Variants in ASZ1 observed in about 807,000 individuals in gnomAD.
ASZ1 encodes ankyrin repeat, SAM and basic leucine zipper domain containing 1, also known as ankyrin repeat, SAM and basic leucine zipper domain-containing protein 1.
In ASZ1, 67 loss-of-function variants were observed where a neutral mutation model predicts 61.8. That is an observed-to-expected ratio of 1.08 (90% CI 0.89 to 1.33). The LOEUF (loss-of-function observed/expected upper bound fraction) is 1.33. ASZ1 is among the 40% of genes most tolerant of loss of function. The probability of loss-of-function intolerance (pLI) is 0.00; values close to 1 mark genes in which losing one functional copy is unlikely to be tolerated. For missense variants in ASZ1, 577 were observed against 554.5 expected, an observed-to-expected ratio of 1.04 and a Z score of -0.41; for synonymous variants, 193 against 192.7, an observed-to-expected ratio of 1.00 and a Z score of -0.01.
chr7:117,370,234 T>C (rs1052711093), intron 10 of ASZ1, among the ~76,000 whole-genome samples: 6 of 152,120 alleles, frequency 3.9e-5, no homozygotes, highest in Non-Finnish European at 7.4e-5. Context: ...ATTGCGAAGG[T>C]AGCACAGACA....
chr7:117,413,430 C>A (rs1796934015), intron 4 of ASZ1, among the ~76,000 whole-genome samples: 2 of 151,956 alleles, frequency 1.3e-5, no homozygotes, highest in African/African-American at 4.8e-5. Context: ...AGCAAATGTT[C>A]AATAAATGTT....
intron 4 of ASZ1, among the ~76,000 whole-genome samples, chr7:117,398,738 TG>T (rs761621613): frequency 6.4e-4 from 98 of 152,350 alleles, no homozygotes; most frequent in Non-Finnish European, 1.1e-3. Flanking sequence ...ATCTAGCCTC[TG>T]CCAAAGTGCA....
chr7:117,368,106 T>C, intron 11 of ASZ1: 1 of 455,204 alleles, frequency 2.2e-6, no homozygotes, highest in Non-Finnish European at 2.9e-6. Context: ...TAAAAATTCT[T>C]TGTAGAGACA....
intron 4 of ASZ1, among the ~76,000 whole-genome samples, chr7:117,387,479 TAATAA>T: frequency 6.6e-6 from 1 of 152,210 alleles, no homozygotes; most frequent in Non-Finnish European, 1.5e-5. Flanking sequence ...CTTACCTGCA[TAATAA>T]CCCAAATCTG....
chr7:117,397,667 T>G (rs1013596188), intron 4 of ASZ1, among the ~76,000 whole-genome samples: 1 of 152,214 alleles, frequency 6.6e-6, no homozygotes, highest in African/African-American at 2.4e-5. Flanking sequence ...GGAAAACACC[T>G]GGGTCTGAAG....
At chr7:117,366,916 A>G (rs1219177681) in intron 12 of ASZ1, among the ~76,000 whole-genome samples, 2 of 152,150 alleles carry the variant, frequency 1.3e-5, no homozygotes. Flanking sequence ...TATTATAACA[A>G]TTGGTATAGC....
At chr7:117,426,027 C>G (rs1797203597) in intron 2 of ASZ1, among the ~76,000 whole-genome samples, 1 of 151,950 alleles carries the variant, frequency 6.6e-6, no homozygotes, top group South Asian at 2.1e-4. Context: ...AAATCTGATG[C>G]TCTCAAAGTT....
rs557710940 is a variant in ASZ1 at position 117,391,899 on chromosome 7, C to A, written c.441-6090G>T. Among the ~76,000 whole-genome samples, 145 of 152,142 alleles carry A rather than the reference C, an allele frequency of 9.5e-4. 1 individual carries two copies. The highest frequency in any genetic ancestry group is 3.5e-3 in the African/African-American group (144 of 41,528). On this transcript the variant is annotated intron_variant, in intron 4 of 12. Coordinates refer to ENST00000284629, the MANE Select transcript of ASZ1 (RefSeq NM_130768.3). ...TGTCTGCCTCTGGGTTGAAGTGATT[C>A]TCCTGCCTCAGCCTCCCGAGTAGCT...
At chr7:117,378,764 T>G (rs1796187535) in intron 10 of ASZ1, among the ~76,000 whole-genome samples, 1 of 151,966 alleles carries the variant, frequency 6.6e-6, no homozygotes, top group South Asian at 2.1e-4. Flanking sequence ...AGCTAAAAAC[T>G]AAAATCTACT....
intron 4 of ASZ1, among the ~76,000 whole-genome samples, chr7:117,412,369 A>G (rs1356723778): frequency 3.3e-5 from 5 of 151,896 alleles, no homozygotes; most frequent in Non-Finnish European, 1.5e-5. Flanking sequence ...TTATGAAATA[A>G]TATTTTTGTA....
intron 4 of ASZ1, among the ~76,000 whole-genome samples, chr7:117,418,755 A>G (rs548590793): frequency 1.3e-3 from 197 of 152,094 alleles, no homozygotes; most frequent in African/African-American, 4.7e-3. Flanking sequence ...TGAGCCCTGG[A>G]GTTCAAGACC....
intron 4 of ASZ1, among the ~76,000 whole-genome samples, chr7:117,406,953 A>G (rs544595731): frequency 8.2e-4 from 125 of 152,276 alleles, no homozygotes; most frequent in Non-Finnish European, 1.3e-3. Context: ...AAAGAATAAT[A>G]AAAGAACGAA....
chr7:117,410,452 A>C (rs572813529), intron 4 of ASZ1, among the ~76,000 whole-genome samples: 14 of 151,816 alleles, frequency 9.2e-5, no homozygotes, highest in Non-Finnish European at 1.5e-4. Context: ...TTTAACAATG[A>C]AAATTATGAC....
At chr7:117,399,998 A>G (rs1376335068) in intron 4 of ASZ1, among the ~76,000 whole-genome samples, 2 of 152,246 alleles carry the variant, frequency 1.3e-5, no homozygotes, top group African/African-American at 4.8e-5. Context: ...CATTTCAATA[A>G]AATTTCCACT....
At position 117,402,829 on chromosome 7, in the gene ASZ1, A is replaced by G. The variant is rs149156865; in HGVS notation, c.441-17020T>C. ...CTTACCCAACCAGATGACACCGAAT[A>G]TTTAATAAACCTGGACCCTTAAATG... On this transcript the variant is annotated intron_variant, in intron 4 of 12. Transcript: ENST00000284629. Among the ~76,000 whole-genome samples, 722 of 152,264 alleles carry G rather than the reference A, an allele frequency of 4.7e-3. 22 individuals are homozygous for G. Among genetic ancestry groups the G allele is most frequent in the East Asian group, 4.7e-3 (24 of 5,154 alleles).
chr7:117,385,660 A>G (rs1329329680), intron 5 of ASZ1, 38 bp downstream of exon 5: 1 of 1,488,638 alleles, frequency 6.7e-7, no homozygotes, highest in Non-Finnish European at 9.3e-7. Context: ...ACTGATAATA[A>G]CAGAAACAAA....
At chr7:117,413,859 T>G (rs1290478923) in intron 4 of ASZ1, among the ~76,000 whole-genome samples, 1 of 152,102 alleles carries the variant, frequency 6.6e-6, no homozygotes, top group Non-Finnish European at 1.5e-5. Flanking sequence ...TAGAAGATGC[T>G]GATTTCTATT....
chr7:117,419,781 A>G (rs1271974574), intron 4 of ASZ1, among the ~76,000 whole-genome samples: 2 of 152,200 alleles, frequency 1.3e-5, no homozygotes, highest in African/African-American at 2.4e-5. Flanking sequence ...GAAAATGGAT[A>G]TATTTTCTTA....
At chr7:117,426,996 G>A (rs1312312222) in intron 1 of ASZ1, 61 bp from the exon 2 acceptor site, 1 of 1,454,588 alleles carries the variant, frequency 6.9e-7, no homozygotes, top group Non-Finnish European at 9.3e-7. Flanking sequence ...CACCTCATCA[G>A]GAAACAATAA....
Sources: allele counts gnomAD v4.1 joint callset (sites outside exome capture counted in the v4.1 genomes callset), GRCh38; gene constraint gnomAD v4.1.1; transcripts MANE v1.5; gene names NCBI Gene and HGNC (gene_info 2026-07-23, HGNC 2026-07-21).